Variants in ELP4 observed in about 807,000 individuals in gnomAD.
The protein encoded by ELP4 is elongator acetyltransferase complex subunit 4, also known as elongator complex protein 4.
A neutral mutation model predicts 48.9 loss-of-function variants in ELP4; 51 were observed. The ratio of observed to expected loss-of-function variants is 1.04; its 90% CI spans 0.83 to 1.32. The LOEUF is 1.32. Among genes scored for constraint, ELP4 ranks in the 40% most tolerant of loss-of-function variants. The pLI, the probability that ELP4 is intolerant of heterozygous loss-of-function variation, is 0.00. For missense variants in ELP4, 519 were observed against 514.6 expected (o/e 1.01, Z -0.08); for synonymous variants, 210 against 189.2 (o/e 1.11, Z -0.90).
chr11:31,564,541 A>T (rs910608058), intron 3 of ELP4, among the ~76,000 whole-genome samples: 1 of 152,066 alleles, frequency 6.6e-6, no homozygotes, highest in African/African-American at 2.4e-5. Flanking sequence ...CTGCTACCCC[A>T]GGACAAGCCC....
At chr11:31,541,192 G>A (rs1358527934) in intron 3 of ELP4, among the ~76,000 whole-genome samples, 1 of 152,084 alleles carries the variant, frequency 6.6e-6, no homozygotes, top group East Asian at 1.9e-4. Flanking sequence ...TAGTATAAAA[G>A]TCACTATAAT....
intron 3 of ELP4, among the ~76,000 whole-genome samples, chr11:31,569,998 T>C (rs905493393): frequency 6.6e-6 from 1 of 152,196 alleles, no homozygotes; most frequent in Non-Finnish European, 1.5e-5. Context: ...AACCCAGCAA[T>C]TCCATTACTG....
At chr11:31,738,946 A>G (rs1222071828) in intron 9 of ELP4, among the ~76,000 whole-genome samples, 1 of 152,208 alleles carries the variant, frequency 6.6e-6, no homozygotes, top group African/African-American at 2.4e-5. Context: ...TTGCTGTTCA[A>G]TGAGTATAAA....
intron 9 of ELP4, among the ~76,000 whole-genome samples, chr11:31,745,561 G>T (rs999877901): frequency 1.1e-4 from 16 of 152,162 alleles, no homozygotes; most frequent in African/African-American, 3.6e-4. Context: ...CAATGGAACA[G>T]AACAGAGCCC....
chr11:31,768,276 T>A (rs1209059396), intron 9 of ELP4, among the ~76,000 whole-genome samples: 1 of 152,216 alleles, frequency 6.6e-6, no homozygotes, highest in Non-Finnish European at 1.5e-5. Flanking sequence ...TATCAAATAA[T>A]ACTAATTAAT....
intron 9 of ELP4, among the ~76,000 whole-genome samples, chr11:31,705,285 C>T (rs1946606978): frequency 6.6e-6 from 1 of 152,064 alleles, no homozygotes; most frequent in East Asian, 1.9e-4. Flanking sequence ...GGTCTCTCTT[C>T]CTCCTCTTAT....
intron 9 of ELP4, among the ~76,000 whole-genome samples, chr11:31,676,691 A>G (rs1945932829): frequency 6.6e-6 from 1 of 152,206 alleles, no homozygotes; most frequent in Non-Finnish European, 1.5e-5. Flanking sequence ...GACACTGTAT[A>G]GGCACTTTGC....
chr11:31,657,799 A>G (rs1177272575), intron 9 of ELP4, among the ~76,000 whole-genome samples: 2 of 152,010 alleles, frequency 1.3e-5, no homozygotes, highest in African/African-American at 4.8e-5. Context: ...CTGAAGTCAT[A>G]TGCAGAATAA....
intron 9 of ELP4, among the ~76,000 whole-genome samples, chr11:31,773,846 C>A (rs944893589): frequency 6.6e-6 from 1 of 152,192 alleles, no homozygotes; most frequent in Non-Finnish European, 1.5e-5. Context: ...GGATGCTGAG[C>A]ACCCATTCCC....
At chr11:31,621,033 A>G (rs927889520) in intron 5 of ELP4, among the ~76,000 whole-genome samples, 45 of 151,942 alleles carry the variant, frequency 3.0e-4, no homozygotes, top group African/African-American at 9.4e-4. Flanking sequence ...CTTGAAAATT[A>G]CTTGTGAATA....
intron 3 of ELP4, among the ~76,000 whole-genome samples, chr11:31,575,077 G>A (rs1957251590): frequency 6.6e-6 from 1 of 152,196 alleles, no homozygotes; most frequent in Admixed American, 6.5e-5. Flanking sequence ...AGAATAAACA[G>A]TGTAGAGAAA....
chr11:31,618,512 A>G, intron 5 of ELP4, among the ~76,000 whole-genome samples: 1 of 152,084 alleles, frequency 6.6e-6, no homozygotes, highest in Non-Finnish European at 1.5e-5. Context: ...CCTGCCCATG[A>G]TGGTGGAGCC....
chr11:31,642,357 A>G (rs1945116631), intron 7 of ELP4, among the ~76,000 whole-genome samples: 1 of 151,930 alleles, frequency 6.6e-6, no homozygotes, highest in Non-Finnish European at 1.5e-5. Context: ...ATTATAAAGA[A>G]CCAATATTTT....
intron 3 of ELP4, among the ~76,000 whole-genome samples, chr11:31,586,420 A>G (rs941484650): frequency 7.9e-5 from 12 of 152,196 alleles, no homozygotes; most frequent in Non-Finnish European, 1.0e-4. Flanking sequence ...CGTATAGCCC[A>G]TGTAAGTTGT....
intron 9 of ELP4, among the ~76,000 whole-genome samples, chr11:31,716,134 C>T (rs186675544): frequency 4.6e-4 from 70 of 152,240 alleles, no homozygotes; most frequent in African/African-American, 1.6e-3. Flanking sequence ...CCTGCCTCAG[C>T]CTCCCGAGTA....
At chr11:31,643,684 G>C (rs1945144691) in intron 7 of ELP4, among the ~76,000 whole-genome samples, 1 of 151,748 alleles carries the variant, frequency 6.6e-6, no homozygotes, top group Non-Finnish European at 1.5e-5. Flanking sequence ...ATCTGAAAGG[G>C]AGCATTAAAT....
chr11:31,705,487 A>G (rs927430645), intron 9 of ELP4, among the ~76,000 whole-genome samples: 8 of 152,238 alleles, frequency 5.3e-5, no homozygotes, highest in East Asian at 1.9e-4. Context: ...CTTTGTTGCT[A>G]GGAACTTTGG....
At position 31,785,543 on chromosome 11, in the gene ELP4, CTT is replaced by C. The variant is rs777790874; in HGVS notation, c.*2022_*2023del. Reference sequence around the variant, plus strand: ...ACCCTTATTTTAAATATAAAAGAAACTTTTCAAACTCAGTAAAAGTGCATTTT... The same window carrying C: ...ACCCTTATTTTAAATATAAAAGAAACTTCAAACTCAGTAAAAGTGCATTTT... On this transcript the variant is annotated 3_prime_UTR_variant, in exon 10 of 10. Transcript: ENST00000640961. 17 of 191,952 alleles carry C rather than the reference CTT, an allele frequency of 8.9e-5. No individual in the cohort carries two copies. Among genetic ancestry groups the C allele is most frequent in the Non-Finnish European group, 1.5e-4 (14 of 91,832 alleles). 11.9% of individuals were successfully genotyped at this position (191,952 alleles called of 1,614,324 possible).
intron 9 of ELP4, among the ~76,000 whole-genome samples, chr11:31,746,559 T>TA (rs1947596474): frequency 6.6e-6 from 1 of 152,176 alleles, no homozygotes; most frequent in African/African-American, 2.4e-5. Flanking sequence ...TATGCAGCCA[T>TA]AAAAAATGAT....
Sources: gnomAD v4.1 joint callset for allele counts (sites outside exome capture counted in the v4.1 genomes callset) on GRCh38, gnomAD v4.1.1 for gene constraint, MANE v1.5 for transcripts, NCBI Gene and HGNC (gene_info 2026-07-23, HGNC 2026-07-21) for gene names.